The following CFAP61 variants were observed in gnomAD, a reference collection of about 807,000 sequenced individuals.
The protein encoded by CFAP61 is cilia and flagella associated protein 61.
A neutral mutation model predicts 135.6 loss-of-function variants in CFAP61; 107 were observed. That is an observed-to-expected ratio of 0.79 (90% CI 0.67 to 0.93). The LOEUF (loss-of-function observed/expected upper bound fraction) is 0.93, where lower values mean the gene tolerates loss of function less well. CFAP61 is among the 40% of genes least tolerant of loss of function. The probability of loss-of-function intolerance (pLI) is 0.00; values close to 1 mark genes in which losing one functional copy is unlikely to be tolerated. For missense variants in CFAP61, 1,507 were observed against 1,556.2 expected, an observed-to-expected ratio of 0.97 and a Z score of 0.53; for synonymous variants, 575 against 578.5, an observed-to-expected ratio of 0.99 and a Z score of 0.09.
At chr20:20,058,654 C>T (rs186415757) in intron 2 of CFAP61, among the ~76,000 whole-genome samples, 3 of 152,312 alleles carry the variant, frequency 2.0e-5, no homozygotes, top group African/African-American at 7.2e-5. Flanking sequence ...GATAAAGTCT[C>T]TTCTGAGAAT....
At chr20:20,161,365 G>A (rs1424095399) in intron 10 of CFAP61, among the ~76,000 whole-genome samples, 2 of 151,972 alleles carry the variant, frequency 1.3e-5, no homozygotes, top group Admixed American at 6.6e-5. Context: ...TCTCCCTACC[G>A]GAGAAAAACA....
chr20:20,069,054 T>TATATACCG (rs1480078560), intron 2 of CFAP61, among the ~76,000 whole-genome samples: 1 of 152,206 alleles, frequency 6.6e-6, no homozygotes, highest in Admixed American at 6.5e-5. Flanking sequence ...TTACCTTCTA[T>TATATACCG]ATATACCGAG....
At chr20:20,130,069 C>T (rs185839714) in intron 8 of CFAP61, among the ~76,000 whole-genome samples, 21 of 151,808 alleles carry the variant, frequency 1.4e-4, no homozygotes, top group Non-Finnish European at 2.5e-4. Flanking sequence ...GCGGGCAGAT[C>T]ATGAGGTCAG....
intron 26 of CFAP61, among the ~76,000 whole-genome samples, chr20:20,353,727 T>C (rs2058937673): frequency 6.6e-6 from 1 of 152,116 alleles, no homozygotes; most frequent in African/African-American, 2.4e-5. Flanking sequence ...AAAAGATATA[T>C]TTAAAAAAGG....
At chr20:20,082,412 G>C (rs2046494915) in intron 6 of CFAP61, among the ~76,000 whole-genome samples, 1 of 152,182 alleles carries the variant, frequency 6.6e-6, no homozygotes. Flanking sequence ...ACAGTAATTA[G>C]TGAAGTTACT....
intron 18 of CFAP61, among the ~76,000 whole-genome samples, chr20:20,243,505 T>C (rs2050178328): frequency 6.6e-6 from 1 of 152,070 alleles, no homozygotes; most frequent in Non-Finnish European, 1.5e-5. Context: ...TGGTGTGATC[T>C]TGACTCACTG....
chr20:20,065,443 A>G (rs773504458), intron 2 of CFAP61, among the ~76,000 whole-genome samples: 4 of 152,118 alleles, frequency 2.6e-5, no homozygotes, highest in Non-Finnish European at 5.9e-5. Context: ...AACCTATCTT[A>G]GAAGCCAGCG....
At chr20:20,306,358 C>A (rs891961262) in intron 25 of CFAP61, among the ~76,000 whole-genome samples, 3 of 152,152 alleles carry the variant, frequency 2.0e-5, no homozygotes, top group African/African-American at 7.2e-5. Context: ...CTTGGCATAT[C>A]ATGTTAGTTA....
intron 25 of CFAP61, among the ~76,000 whole-genome samples, chr20:20,307,729 A>G (rs1468768720): frequency 6.6e-6 from 1 of 152,176 alleles, no homozygotes; most frequent in Non-Finnish European, 1.5e-5. Flanking sequence ...CTAAGAAAAA[A>G]ATTTATTTAG....
intron 9 of CFAP61, among the ~76,000 whole-genome samples, chr20:20,158,274 A>T (rs1020632079): frequency 6.6e-6 from 1 of 151,334 alleles, no homozygotes; most frequent in Non-Finnish European, 1.5e-5. Flanking sequence ...TATCAAATGA[A>T]AAAAAAAATG....
chr20:20,269,625 G>A (rs1362728013), intron 21 of CFAP61, among the ~76,000 whole-genome samples: 1 of 152,148 alleles, frequency 6.6e-6, no homozygotes, highest in Non-Finnish European at 1.5e-5. Flanking sequence ...TCCCGCCTTC[G>A]CCTCCCGAAG....
At chr20:20,155,599 G>A (rs184975339) in intron 9 of CFAP61, among the ~76,000 whole-genome samples, 1 of 152,218 alleles carries the variant, frequency 6.6e-6, no homozygotes, top group Non-Finnish European at 1.5e-5. Flanking sequence ...CCATCAAAAA[G>A]TGGGCAAAGG....
chr20:20,105,470 CT>C (rs1232782625), intron 8 of CFAP61, among the ~76,000 whole-genome samples: 1 of 152,120 alleles, frequency 6.6e-6, no homozygotes, highest in Non-Finnish European at 1.5e-5. Flanking sequence ...CCCTCCTCCC[CT>C]TTTCTTTCCT....
rs187693123 is a variant in CFAP61, at chr20:20,198,703, A to T, written c.1798-1065A>T. ...ATTAAGAGCTCTTCCAGGCATAAAA[A>T]CAGGGTGCTGGCTAGGGTTCTGTTT... On this transcript the variant is annotated intron_variant, in intron 16 of 26. Transcript: ENST00000245957. Among the ~76,000 whole-genome samples, 516 of 152,258 alleles carry T rather than the reference A, an allele frequency of 3.4e-3. 4 individuals carry two copies. The highest frequency in any genetic ancestry group is 6.4e-3 in the Non-Finnish European group (433 of 68,016).
Position 20,277,318 on chromosome 20 carries a change from G to A in CFAP61, c.2656G>A (p.Val886Met), listed in dbSNP as rs78741533. The A allele has an allele frequency of 6.2e-7, 1 of 1,614,128 alleles. No homozygotes were observed. Among genetic ancestry groups the A allele is most frequent in the Non-Finnish European group, 8.5e-7 (1 of 1,180,028 alleles). Residue 886 changes from valine (V) to methionine (M), a missense_variant, in exon 22 of 27, where the codon GTG becomes ATG. Transcript: ENST00000245957. ...CINNYSVESA[V>M]ADALGAAGVT... ...CAACAACTACTCGGTGGAGAGCGCC[G>A]TGGCGGACGCGCTAGGAGCCGCCGG...
At chr20:20,269,044 C>T (rs1001845355) in intron 21 of CFAP61, among the ~76,000 whole-genome samples, 1 of 149,518 alleles carries the variant, frequency 6.7e-6, no homozygotes. Flanking sequence ...GGACAGGTCA[C>T]GTTTTGGGCA....
rs765633880 is a variant in CFAP61, at chr20:20,169,406, A to G, written c.1331A>G (p.Asn444Ser). 3 of 1,614,016 alleles carry G rather than the reference A, an allele frequency of 1.9e-6. No homozygotes were observed. The highest frequency in any genetic ancestry group is 1.3e-5 in the African/African-American group (1 of 75,026). ...IQNFVKMVPF[N>S]TCTLEQDLYV... ...AACTTCGTGAAAATGGTCCCTTTCA[A>G]CACCTGCACCCTCGAGCAGGACCTC... The change falls in exon 13 of 27, where the codon AAC becomes AGC. Residue 444 changes from asparagine (N) to serine (S), a missense_variant. Asn to Ser is a conservative substitution (Grantham distance 46). Transcript: ENST00000245957.
chr20:20,153,424 A>G (rs2052618591), intron 9 of CFAP61, among the ~76,000 whole-genome samples: 2 of 152,264 alleles, frequency 1.3e-5, no homozygotes, highest in Admixed American at 6.5e-5. Flanking sequence ...TAAACGAAAC[A>G]AAAAGCTGGT....
At chr20:20,352,716 A>G (rs527737057) in intron 26 of CFAP61, among the ~76,000 whole-genome samples, 2 of 152,310 alleles carry the variant, frequency 1.3e-5, no homozygotes, top group South Asian at 2.1e-4. Context: ...TAAACATAAG[A>G]CCGGAAACTG....
Sources: allele counts gnomAD v4.1 joint callset (sites outside exome capture counted in the v4.1 genomes callset), GRCh38; gene constraint gnomAD v4.1.1; transcripts MANE v1.5; gene names NCBI Gene and HGNC (gene_info 2026-07-23, HGNC 2026-07-21).